Variants in FAT4 observed in about 807,000 individuals in gnomAD.
FAT4 encodes the protein protocadherin Fat 4.
In FAT4, 84 loss-of-function variants were observed where a neutral mutation model predicts 303.9. That is an observed-to-expected ratio of 0.28 (90% CI 0.23 to 0.33). The LOEUF (loss-of-function observed/expected upper bound fraction) is 0.33, where lower values mean the gene tolerates loss of function less well. Ranked by LOEUF, FAT4 falls within the 10% of genes least tolerant of loss-of-function variation. The pLI is 1.00. For missense variants in FAT4, 6,005 were observed against 6,146.8 expected, an observed-to-expected ratio of 0.98 and a Z score of 0.77; for synonymous variants, 2,307 against 2,298.8, an observed-to-expected ratio of 1.00 and a Z score of -0.10.
At chr4:125,396,926 G>GTATATATA (rs66744105) in intron 2 of FAT4, among the ~76,000 whole-genome samples, 1 of 143,910 alleles carries the variant, frequency 6.9e-6, no homozygotes, top group African/African-American at 2.6e-5. Flanking sequence ...ATGTGTGTGT[G>GTATATATA]TATATATATA....
intron 2 of FAT4, among the ~76,000 whole-genome samples, chr4:125,357,703 TA>T (rs1376571050): frequency 6.6e-6 from 1 of 152,162 alleles, no homozygotes; most frequent in Non-Finnish European, 1.5e-5. Flanking sequence ...ACTAAGCATA[TA>T]CATTGTTGAA....
In FAT4 at chr4:125,318,000, G is replaced by T; in HGVS notation, c.1589G>T (p.Gly530Val). ...LGWFHISEHS[G>V]LVTTGSSGGL... ...TGGTTCCATATCAGTGAACATAGCG[G>T]CCTCGTGACCACTGGGTCCTCTGGG... The change falls in exon 2 of 18, where the codon GGC (glycine) becomes GTC (valine). Residue 530 changes from glycine to valine, a missense_variant. By Grantham distance (109) the Gly-to-Val change is moderately radical. Transcript: ENST00000394329. This position sits in a 1 kb window ranked among gnomAD's most constrained non-coding sequence, Gnocchi z 7.0. 1 of 1,614,174 alleles carries T rather than the reference G, an allele frequency of 6.2e-7. No individual in the cohort carries two copies. The highest frequency in any genetic ancestry group is 2.2e-5 in the East Asian group (1 of 44,868).
At chr4:125,440,982 G>T (rs1725643240) in intron 8 of FAT4, among the ~76,000 whole-genome samples, 1 of 152,030 alleles carries the variant, frequency 6.6e-6, no homozygotes, top group South Asian at 2.1e-4. Context: ...TCTTTTCAGT[G>T]CATCCCTTCT....
At chr4:125,360,416 A>G (rs1275757072) in intron 2 of FAT4, among the ~76,000 whole-genome samples, 1 of 152,174 alleles carries the variant, frequency 6.6e-6, no homozygotes, top group East Asian at 1.9e-4. Context: ...CAATTATGTC[A>G]TGAATATAAA....
chr4:125,318,202 A>G lies in FAT4; in HGVS notation c.1791A>G (p.Pro597=). 6.2e-7 allele frequency: 1 copy of G among 1,614,192 alleles called. No homozygotes were observed. The highest frequency in any genetic ancestry group is 1.3e-5 in the African/African-American group (1 of 75,054). ...ATGTGTCTGTGGTTGAGAATGCCCC[A>G]ACAGGGACAGAACTGTTGATGCTCA... ...GYDVSVVENA[P]TGTELLMLRA... Residue 597 remains proline (P), a synonymous_variant, in exon 2 of 18, where the codon CCA becomes CCG. Transcript: ENST00000394329.
Position 125,489,526 on chromosome 4 carries a change from A to C in FAT4, c.13085-375A>C, listed in dbSNP as rs1226709088. ...ATTTCATGTTCTTTACAAATTTAAA[A>C]AATATATATTTTATTTGTATGTATG... On this transcript the variant is annotated intron_variant, in intron 17 of 17. Coordinates refer to ENST00000394329, the MANE Select transcript of FAT4 (RefSeq NM_001291303.3). Among the ~76,000 whole-genome samples the C allele has an allele frequency of 3.3e-5, 5 of 152,304 alleles. No individual in the cohort carries two copies. In the East Asian group the frequency reaches 9.6e-4, roughly 29 times the overall value.
intron 4 of FAT4, 133 bp downstream of exon 4, chr4:125,407,274 G>C: frequency 1.3e-6 from 1 of 790,378 alleles, no homozygotes; most frequent in East Asian, 2.7e-5. Flanking sequence ...TATATATGCT[G>C]GATTGTTGGA....
At chr4:125,416,356 T>A in intron 6 of FAT4, 92 bp from the exon 7 acceptor site, 1 of 1,132,136 alleles carries the variant, frequency 8.8e-7, no homozygotes, top group Non-Finnish European at 1.3e-6. Flanking sequence ...TCTCTTAACA[T>A]AGTTTTACCT....
intron 2 of FAT4, among the ~76,000 whole-genome samples, chr4:125,362,524 C>T (rs746369587): frequency 4.6e-5 from 7 of 152,080 alleles, no homozygotes; most frequent in East Asian, 3.9e-4. Context: ...AATCTGCAAG[C>T]GAAGAATTGG....
At chr4:125,332,052 T>G (rs2125958721) in intron 2 of FAT4, among the ~76,000 whole-genome samples, 1 of 152,240 alleles carries the variant, frequency 6.6e-6, no homozygotes, top group South Asian at 2.1e-4. Context: ...CTATAAAGTT[T>G]ATTAGTGCTC....
rs1725938141 is a variant in FAT4, at chr4:125,449,105, A to C, written c.8095A>C (p.Ser2699Arg). 6.2e-7 allele frequency: 1 copy of C among 1,613,916 alleles called. No homozygotes were observed. Among genetic ancestry groups the C allele is most frequent in the South Asian group, 1.1e-5 (1 of 91,092 alleles). Reference sequence around the variant, plus strand: ...TACTGTTTCGGCAATGGACAAGGACAGTGGACCCAATGGACAGTTAGATTA... The same window carrying C: ...TACTGTTTCGGCAATGGACAAGGACCGTGGACCCAATGGACAGTTAGATTA... ...ILTVSAMDKDSGPNGQLDYEI... is the reference protein window; with the variant it reads ...ILTVSAMDKDRGPNGQLDYEI... Residue 2699 changes from serine (S) to arginine (R), a missense_variant, in exon 10 of 18, where the codon AGT becomes CGT. By Grantham distance (110) the Ser-to-Arg change is moderately radical (BLOSUM62 -1). Coordinates refer to ENST00000394329, the MANE Select transcript of FAT4 (RefSeq NM_001291303.3).
intron 7 of FAT4, among the ~76,000 whole-genome samples, chr4:125,431,493 C>G (rs1725282613): frequency 6.6e-6 from 1 of 152,096 alleles, no homozygotes; most frequent in South Asian, 2.1e-4. Flanking sequence ...ATACAGAAAA[C>G]TATATAATAA....
At chr4:125,443,861 T>C (rs900762192) in intron 8 of FAT4, among the ~76,000 whole-genome samples, 1 of 152,122 alleles carries the variant, frequency 6.6e-6, no homozygotes, top group African/African-American at 2.4e-5. Context: ...TCTAGACATA[T>C]TATCTTAACT....
chr4:125,333,886 G>C (rs998372669), intron 2 of FAT4, among the ~76,000 whole-genome samples: 1 of 152,008 alleles, frequency 6.6e-6, no homozygotes. Context: ...TTTTCCTCTG[G>C]TGGAGTCACT....
chr4:125,396,948 AT>A (rs377438759), intron 2 of FAT4, among the ~76,000 whole-genome samples: 1 of 145,050 alleles, frequency 6.9e-6, no homozygotes, highest in African/African-American at 2.6e-5. Context: ...ATATATATAT[AT>A]ATATATATAT....
At position 125,451,590 on chromosome 4, in the gene FAT4, C is replaced by G; in HGVS notation, c.10580C>G (p.Thr3527Ser). The change falls in exon 10 of 18, where the codon ACT becomes AGT. Residue 3527 changes from threonine (T) to serine (S), a missense_variant. Physicochemically the swap from Thr to Ser is moderately conservative, Grantham distance 58 (BLOSUM62 1). Transcript: ENST00000394329. ...GEVMENKRPG[T>S]LVMTLQSTDP... is the part of the protein sequence containing the mutation. ...GTCATGGAAAACAAACGGCCAGGCACTTTGGTGATGACCCTTCAGTCCACT... is the reference window on the plus strand; with the variant it reads ...GTCATGGAAAACAAACGGCCAGGCAGTTTGGTGATGACCCTTCAGTCCACT... 6.2e-7 allele frequency: 1 copy of G among 1,614,134 alleles called. No individual in the cohort carries two copies.
rs138557527 is a variant in FAT4, at chr4:125,324,059, C to T, written c.5175+2473C>T. 2.7e-3 allele frequency among the ~76,000 whole-genome samples: 406 copies of T among 152,240 alleles called. 3 individuals are homozygous for T. The highest frequency in any genetic ancestry group is 9.1e-3 in the African/African-American group (378 of 41,548). On this transcript the variant is annotated intron_variant, in intron 2 of 17. Transcript: ENST00000394329. ...GTGTCCAGTTATACACCTTTACTTA[C>T]GCTACTTGTTATATCCAAAGATTTG...
intron 17 of FAT4, among the ~76,000 whole-genome samples, chr4:125,488,606 A>G (rs1055659640): frequency 2.0e-5 from 3 of 152,222 alleles, no homozygotes; most frequent in African/African-American, 7.2e-5. Flanking sequence ...TCTCAACTCA[A>G]AGAAGGGTAG....
intron 2 of FAT4, among the ~76,000 whole-genome samples, chr4:125,332,298 T>A (rs1024496549): frequency 6.6e-6 from 1 of 152,102 alleles, no homozygotes; most frequent in Middle Eastern, 3.4e-3. Context: ...AGCACCCAGG[T>A]TTATATGACT....
Sources: allele counts gnomAD v4.1 joint callset (sites outside exome capture counted in the v4.1 genomes callset), GRCh38; gene constraint gnomAD v4.1.1; non-coding constraint Gnocchi (gnomAD v3.1); transcripts MANE v1.5; gene names NCBI Gene and HGNC (gene_info 2026-07-23, HGNC 2026-07-21).